Variants in ASPRV1 observed in about 807,000 individuals in gnomAD.
The protein encoded by ASPRV1 is aspartic peptidase retroviral like 1.
ASPRV1 carries 7 observed loss-of-function variants against 11.0 expected under a neutral mutation model. The observed-to-expected ratio is 0.64, with a 90% CI of 0.36 to 1.20. The LOEUF is 1.20. Among genes scored for constraint, ASPRV1 ranks in the 50% most tolerant of loss-of-function variants. The pLI, the probability that ASPRV1 is intolerant of heterozygous loss-of-function variation, is 0.02. For synonymous variants in ASPRV1, 136 were observed against 138.4 expected (o/e 0.98, Z 0.12); for missense variants, 299 against 320.0 (o/e 0.93, Z 0.50).
downstream of ASPRV1, among the ~76,000 whole-genome samples, chr2:69,955,262 G>T (rs963082813): frequency 7.9e-5 from 12 of 152,176 alleles, no homozygotes; most frequent in African/African-American, 2.4e-4. Context: ...CCCTCGCATG[G>T]CCACAAGGGC....
the ASPRV1 span, among the ~76,000 whole-genome samples, chr2:69,997,060 C>T: frequency 8.9e-4 from 136 of 152,240 alleles, no homozygotes; most frequent in African/African-American, 3.2e-3. Flanking sequence ...GGGGCTCACG[C>T]CTATAGTTCC....
the ASPRV1 span, among the ~76,000 whole-genome samples, chr2:69,951,318 G>C: frequency 4.6e-5 from 7 of 151,536 alleles, no homozygotes; most frequent in African/African-American, 1.7e-4. Flanking sequence ...CAGCTACTTG[G>C]GAGGCTGAGA....
chr2:70,064,455 T>C, the ASPRV1 span, among the ~76,000 whole-genome samples: 1 of 152,224 alleles, frequency 6.6e-6, no homozygotes, highest in Admixed American at 6.5e-5. Flanking sequence ...TGGCAATGCA[T>C]GCAGAGTTGT....
At chr2:69,952,567 G>GA in the ASPRV1 span, among the ~76,000 whole-genome samples, 1 of 146,024 alleles carries the variant, frequency 6.8e-6, no homozygotes, top group Non-Finnish European at 1.5e-5. Context: ...GAAAAGAAAA[G>GA]AAAAAAGAAA....
the ASPRV1 span, chr2:69,937,390 C>A: frequency 6.2e-7 from 1 of 1,603,618 alleles, no homozygotes; most frequent in South Asian, 1.1e-5. Flanking sequence ...CCGACTCCGA[C>A]AGGGGTGAGC....
the ASPRV1 span, chr2:70,046,077 A>G: frequency 5.9e-5 from 9 of 152,228 alleles, no homozygotes; most frequent in African/African-American, 1.9e-4. Flanking sequence ...ATCAGCTCAG[A>G]TTGCTGAATG....
the ASPRV1 span, chr2:70,059,646 A>G: frequency 8.4e-4 from 138 of 164,892 alleles, no homozygotes; most frequent in African/African-American, 3.2e-3. Context: ...AACTCACCAT[A>G]ATGTACAATC....
At chr2:70,063,432 C>T in the ASPRV1 span, among the ~76,000 whole-genome samples, 1 of 152,190 alleles carries the variant, frequency 6.6e-6, no homozygotes, top group Non-Finnish European at 1.5e-5. Context: ...TCCACAGATT[C>T]ATGTTGAACA....
chr2:69,973,313 T>G, the ASPRV1 span, among the ~76,000 whole-genome samples: 4 of 152,178 alleles, frequency 2.6e-5, no homozygotes, highest in African/African-American at 9.7e-5. Flanking sequence ...GAATGTTAAC[T>G]GATATTTTTG....
the ASPRV1 span, among the ~76,000 whole-genome samples, chr2:69,972,927 G>GC: frequency 6.6e-6 from 1 of 151,812 alleles, no homozygotes; most frequent in Non-Finnish European, 1.5e-5. Context: ...TCCACCTGAG[G>GC]CCCCCTCCAA....
chr2:70,086,365 T>C, the ASPRV1 span: 1 of 152,218 alleles, frequency 6.6e-6, no homozygotes, highest in Non-Finnish European at 1.5e-5. Context: ...TGAAGCACGT[T>C]GCGCACGGGG....
At chr2:69,939,164 A>G in the ASPRV1 span, 1 of 152,510 alleles carries the variant, frequency 6.6e-6, no homozygotes, top group Non-Finnish European at 1.5e-5. Context: ...AAATAGTGAC[A>G]TTTGGTCCAA....
the ASPRV1 span, chr2:69,976,462 G>A: frequency 6.6e-6 from 1 of 152,264 alleles, no homozygotes; most frequent in Non-Finnish European, 1.5e-5. Context: ...CTGAATGAGA[G>A]CCCTCGGGTT....
chr2:70,008,900 A>G, the ASPRV1 span, among the ~76,000 whole-genome samples: 2 of 152,172 alleles, frequency 1.3e-5, no homozygotes, highest in Non-Finnish European at 2.9e-5. Context: ...AGTCTGTGCA[A>G]GAGAATCCTC....
At chr2:69,948,008 A>G in the ASPRV1 span, among the ~76,000 whole-genome samples, 1 of 152,012 alleles carries the variant, frequency 6.6e-6, no homozygotes, top group Non-Finnish European at 1.5e-5. Context: ...TAGTGGTTCT[A>G]TGGAACTAGC....
At chr2:70,063,007 G>A in the ASPRV1 span, among the ~76,000 whole-genome samples, 1 of 152,098 alleles carries the variant, frequency 6.6e-6, no homozygotes, top group Non-Finnish European at 1.5e-5. Flanking sequence ...AAATGCAGGT[G>A]CCTCACCTCA....
At chr2:69,944,066 T>C in the ASPRV1 span, among the ~76,000 whole-genome samples, 1 of 152,186 alleles carries the variant, frequency 6.6e-6, no homozygotes, top group African/African-American at 2.4e-5. Flanking sequence ...CTGGGCCCTT[T>C]TAGGATGTGA....
chr2:70,034,187 T>C, the ASPRV1 span, among the ~76,000 whole-genome samples: 1 of 141,186 alleles, frequency 7.1e-6, no homozygotes, highest in Non-Finnish European at 1.5e-5. Flanking sequence ...AGGAAAGCAA[T>C]GCTTCTGTCC....
chr2:69,991,591 A>C, the ASPRV1 span, among the ~76,000 whole-genome samples: 1 of 152,080 alleles, frequency 6.6e-6, no homozygotes, highest in South Asian at 2.1e-4. Flanking sequence ...CTCGTTGCCC[A>C]GGCTGGAGTG....
Sources: gnomAD v4.1 joint callset for allele counts (sites outside exome capture counted in the v4.1 genomes callset) on GRCh38, gnomAD v4.1.1 for gene constraint, MANE v1.5 for transcripts, NCBI Gene and HGNC (gene_info 2026-07-23, HGNC 2026-07-21) for gene names.